CAMKMT: variants seen among roughly 807,000 people sequenced by gnomAD.
The protein encoded by CAMKMT is CaM KMT.
A neutral mutation model predicts 48.0 loss-of-function variants in CAMKMT; 53 were observed. The observed-to-expected ratio is 1.10, with a 90% CI of 0.89 to 1.39. The LOEUF (loss-of-function observed/expected upper bound fraction) is 1.39, where lower values mean the gene tolerates loss of function less well. CAMKMT is among the 40% of genes most tolerant of loss of function. The pLI, the probability that CAMKMT is intolerant of heterozygous loss-of-function variation, is 0.00. For synonymous variants in CAMKMT, 165 were observed against 152.3 expected (o/e 1.08, Z -0.61); for missense variants, 428 against 402.7 (o/e 1.06, Z -0.54).
intron 3 of CAMKMT, among the ~76,000 whole-genome samples, chr2:44,632,806 C>T (rs1386668271): frequency 6.6e-6 from 1 of 152,132 alleles, no homozygotes; most frequent in Non-Finnish European, 1.5e-5. Context: ...ACTAGACTGG[C>T]CTAGCCTCCC....
intron 3 of CAMKMT, among the ~76,000 whole-genome samples, chr2:44,547,987 C>G (rs916580611): frequency 6.6e-6 from 1 of 152,120 alleles, no homozygotes; most frequent in Non-Finnish European, 1.5e-5. Flanking sequence ...TCTAAATATC[C>G]TGGTAGAGAG....
At chr2:44,697,258 A>G (rs1191879199) in intron 3 of CAMKMT, among the ~76,000 whole-genome samples, 1 of 152,090 alleles carries the variant, frequency 6.6e-6, no homozygotes, top group African/African-American at 2.4e-5. Context: ...AGGACGTGTT[A>G]CACTAAAATG....
At chr2:44,430,081 A>T (rs549966703) in intron 3 of CAMKMT, among the ~76,000 whole-genome samples, 1 of 152,174 alleles carries the variant, frequency 6.6e-6, no homozygotes, top group South Asian at 2.1e-4. Context: ...GCTTTCGGCT[A>T]TGAATGTTTG....
At chr2:44,724,718 T>C (rs1264936023) in intron 7 of CAMKMT, among the ~76,000 whole-genome samples, 1 of 152,204 alleles carries the variant, frequency 6.6e-6, no homozygotes, top group East Asian at 1.9e-4. Flanking sequence ...TTAGTGAAGA[T>C]GTGACCTCAG....
At chr2:44,699,996 G>C (rs1677172712) in intron 3 of CAMKMT, among the ~76,000 whole-genome samples, 1 of 152,220 alleles carries the variant, frequency 6.6e-6, no homozygotes, top group Non-Finnish European at 1.5e-5. Context: ...GTTGGTTAGT[G>C]TAGTCATCTT....
intron 3 of CAMKMT, among the ~76,000 whole-genome samples, chr2:44,435,696 A>C (rs1005165635): frequency 7.2e-5 from 11 of 152,346 alleles, no homozygotes; most frequent in African/African-American, 2.6e-4. Flanking sequence ...GCTTTTAGTC[A>C]AATTTACTAC....
chr2:44,754,876 G>A (rs1265128969), intron 9 of CAMKMT, among the ~76,000 whole-genome samples: 1 of 151,606 alleles, frequency 6.6e-6, no homozygotes, highest in Non-Finnish European at 1.5e-5. Context: ...TTATAACTAT[G>A]TAAGACTCTT....
At chr2:44,594,085 A>T (rs1315511373) in intron 3 of CAMKMT, among the ~76,000 whole-genome samples, 2 of 152,108 alleles carry the variant, frequency 1.3e-5, no homozygotes. Flanking sequence ...AGAATAAAAT[A>T]CCTAGGAATA....
intron 3 of CAMKMT, among the ~76,000 whole-genome samples, chr2:44,463,328 C>T (rs1185971897): frequency 2.0e-5 from 3 of 152,170 alleles, no homozygotes; most frequent in African/African-American, 4.8e-5. Flanking sequence ...GAATTCACAG[C>T]ACCCTAGGCA....
At chr2:44,752,959 C>T (rs975948601) in intron 8 of CAMKMT, among the ~76,000 whole-genome samples, 5 of 152,132 alleles carry the variant, frequency 3.3e-5, no homozygotes, top group African/African-American at 7.2e-5. Context: ...CAAAGGTCTG[C>T]GACCTGCAAG....
chr2:44,763,279 T>G lies in CAMKMT; in HGVS notation c.763-3151T>G, dbSNP rs1680692474. ...AACTACTGCCCAGTCTTTCTCTTTCTCGTGGGTACAGTGTTGTGCACAGAA... is the reference window on the plus strand; with the variant it reads ...AACTACTGCCCAGTCTTTCTCTTTCGCGTGGGTACAGTGTTGTGCACAGAA... On this transcript the variant is annotated intron_variant, in intron 9 of 10. Coordinates refer to ENST00000378494, the MANE Select transcript of CAMKMT (RefSeq NM_024766.5). Among the ~76,000 whole-genome samples the G allele has an allele frequency of 2.0e-5, 3 of 152,228 alleles. No homozygotes were observed. In the South Asian group the frequency reaches 6.2e-4, roughly 32 times the overall value.
intron 3 of CAMKMT, among the ~76,000 whole-genome samples, chr2:44,613,822 A>T (rs546647020): frequency 8.3e-4 from 127 of 152,292 alleles, no homozygotes; most frequent in African/African-American, 2.9e-3. Context: ...AAGCACGTGG[A>T]GTTCTAATTT....
chr2:44,637,007 T>C (rs567879741), intron 3 of CAMKMT, among the ~76,000 whole-genome samples: 75 of 152,282 alleles, frequency 4.9e-4, no homozygotes, highest in South Asian at 1.0e-3. Context: ...TACTCCAACT[T>C]GACAAGCATT....
At chr2:44,652,461 A>G (rs1282092054) in intron 3 of CAMKMT, among the ~76,000 whole-genome samples, 1 of 152,204 alleles carries the variant, frequency 6.6e-6, no homozygotes, top group Non-Finnish European at 1.5e-5. Flanking sequence ...GGGTGTGAGA[A>G]GTAACCAGGG....
At chr2:44,697,514 G>C (rs918345801) in intron 3 of CAMKMT, among the ~76,000 whole-genome samples, 2 of 152,044 alleles carry the variant, frequency 1.3e-5, no homozygotes, top group Non-Finnish European at 2.9e-5. Context: ...TGAAGTTTGA[G>C]GTTGCCTAAA....
At chr2:44,671,005 G>A (rs1573037893) in intron 3 of CAMKMT, among the ~76,000 whole-genome samples, 1 of 152,168 alleles carries the variant, frequency 6.6e-6, no homozygotes, top group African/African-American at 2.4e-5. Context: ...GGTACAGATA[G>A]CTAGTTGCCT....
intron 3 of CAMKMT, among the ~76,000 whole-genome samples, chr2:44,508,726 T>A (rs786407): frequency 0.67 from 101,117 of 151,940 alleles, 34,139 homozygotes; most frequent in Admixed American, 0.71. Flanking sequence ...AGTAATCTGG[T>A]TAGGATATCC....
chr2:44,590,466 G>A (rs989787271), intron 3 of CAMKMT, among the ~76,000 whole-genome samples: 3 of 152,130 alleles, frequency 2.0e-5, no homozygotes, highest in Admixed American at 6.5e-5. Flanking sequence ...GCGTGAGATG[G>A]TATCTCATTG....
chr2:44,605,463 A>G (rs1671231302), intron 3 of CAMKMT, among the ~76,000 whole-genome samples: 2 of 152,190 alleles, frequency 1.3e-5, no homozygotes, highest in African/African-American at 2.4e-5. Context: ...ATCACACTGC[A>G]TAATATGTCT....
Sources: allele counts gnomAD v4.1 joint callset (sites outside exome capture counted in the v4.1 genomes callset), GRCh38; gene constraint gnomAD v4.1.1; transcripts MANE v1.5; gene names NCBI Gene and HGNC (gene_info 2026-07-23, HGNC 2026-07-21).